RBFOX3: variants seen among roughly 807,000 people sequenced by gnomAD.
RBFOX3 encodes RNA binding fox-1 homolog 3.
A neutral mutation model predicts 48.7 loss-of-function variants in RBFOX3; 17 were observed. The ratio of observed to expected loss-of-function variants is 0.35; its 90% CI spans 0.24 to 0.52. RBFOX3 has a LOEUF of 0.52. RBFOX3 is among the 20% of genes least tolerant of loss of function. The pLI is 0.94. For synonymous variants in RBFOX3, 212 were observed against 209.5 expected, an observed-to-expected ratio of 1.01 and a Z score of -0.10; for missense variants, 382 against 497.5, an observed-to-expected ratio of 0.77 and a Z score of 2.21.
At chr17:79,196,805 T>G (rs1159012313) in intron 4 of RBFOX3, among the ~76,000 whole-genome samples, 3 of 152,232 alleles carry the variant, frequency 2.0e-5, no homozygotes, top group Non-Finnish European at 4.4e-5. Context: ...AGGAATGCAT[T>G]ATGCTTATTT....
At chr17:79,605,275 T>C (rs1023790107) in intron 1 of RBFOX3, among the ~76,000 whole-genome samples, 88 of 152,292 alleles carry the variant, frequency 5.8e-4, no homozygotes, top group Non-Finnish European at 1.2e-3. Flanking sequence ...AAAAGATACA[T>C]GTTATGATCT....
chr17:79,463,510 T>C (rs1414699784), intron 2 of RBFOX3, among the ~76,000 whole-genome samples: 1 of 35,076 alleles, frequency 2.9e-5, no homozygotes, highest in East Asian at 7.4e-4. Context: ...CCATCGCCAC[T>C]GCCACCTCCA....
intron 1 of RBFOX3, among the ~76,000 whole-genome samples, chr17:79,608,878 G>A (rs966687497): frequency 5.9e-5 from 9 of 152,114 alleles, no homozygotes; most frequent in Non-Finnish European, 1.2e-4. Context: ...CGCAGGAGGC[G>A]GAGAAGGAAG....
intron 1 of RBFOX3, among the ~76,000 whole-genome samples, chr17:79,511,571 T>C (rs2084205526): frequency 1.3e-5 from 2 of 152,136 alleles, no homozygotes; most frequent in African/African-American, 4.8e-5. Context: ...GAGGTAACCC[T>C]GCAGTGAACC....
intron 5 of RBFOX3, among the ~76,000 whole-genome samples, 171 bp downstream of exon 5, chr17:79,115,323 G>A (rs1346737635): frequency 2.6e-5 from 4 of 152,186 alleles, no homozygotes; most frequent in Non-Finnish European, 5.9e-5. Flanking sequence ...TTCACTGGGG[G>A]TGACTTCTGG....
At chr17:79,255,116 C>T (rs1414364840) in intron 3 of RBFOX3, among the ~76,000 whole-genome samples, 2 of 152,118 alleles carry the variant, frequency 1.3e-5, no homozygotes, top group Non-Finnish European at 2.9e-5. Context: ...GACCTCTCTC[C>T]AGGCTTTTCC....
chr17:79,136,903 G>A (rs2040339423), intron 4 of RBFOX3, among the ~76,000 whole-genome samples: 2 of 152,156 alleles, frequency 1.3e-5, no homozygotes, highest in Non-Finnish European at 2.9e-5. Context: ...TTAAGCCAGA[G>A]TGGACGATTC....
rs769216510 is a variant in RBFOX3, at chr17:79,477,967, G to C, written c.-175+4487C>G. ...TTCCACCCAGGAGCACCTAGGACGA[G>C]CTCCTGCAAAAGGAATGCATTCACT... On this transcript the variant is annotated intron_variant, in intron 2 of 14. Transcript: ENST00000693108. The surrounding 1 kb of genome is among the most constrained non-coding windows in gnomAD (Gnocchi z 4.8). Among the ~76,000 whole-genome samples, 61 of 152,262 alleles carry C rather than the reference G, an allele frequency of 4.0e-4. No individual in the cohort carries two copies. The highest frequency in any genetic ancestry group is 1.3e-3 in the Admixed American group (20 of 15,302).
chr17:79,192,687 G>C (rs2054759920), intron 4 of RBFOX3, among the ~76,000 whole-genome samples: 1 of 152,108 alleles, frequency 6.6e-6, no homozygotes, highest in South Asian at 2.1e-4. Context: ...TCAGCACCAG[G>C]GACAGCTCCA....
chr17:79,380,931 C>G (rs746080326), intron 2 of RBFOX3, among the ~76,000 whole-genome samples: 1 of 152,170 alleles, frequency 6.6e-6, no homozygotes, highest in Admixed American at 6.5e-5. Flanking sequence ...AAGGGAGCCA[C>G]ACATATAATT....
chr17:79,257,350 G>T (rs985111862), intron 3 of RBFOX3, among the ~76,000 whole-genome samples: 12 of 152,214 alleles, frequency 7.9e-5, no homozygotes, highest in Non-Finnish European at 1.5e-4. Context: ...AAGTCCCAAA[G>T]GGTCCAATGT....
intron 1 of RBFOX3, among the ~76,000 whole-genome samples, chr17:79,511,477 C>T (rs1022547025): frequency 1.0e-3 from 153 of 152,252 alleles, no homozygotes; most frequent in African/African-American, 3.6e-3. Context: ...GCTCTGTGAG[C>T]AAGAGCTGCA....
intron 4 of RBFOX3, among the ~76,000 whole-genome samples, chr17:79,186,316 CAG>C (rs1178555780): frequency 3.3e-5 from 5 of 152,258 alleles, no homozygotes; most frequent in Admixed American, 1.3e-4. Flanking sequence ...TTTCTTGGGA[CAG>C]GGGCTGTTAC....
intron 2 of RBFOX3, among the ~76,000 whole-genome samples, chr17:79,446,940 T>G (rs1555738743): frequency 6.6e-6 from 1 of 152,210 alleles, no homozygotes; most frequent in African/African-American, 2.4e-5. Context: ...AGCCAAGGAC[T>G]CTCCTGGGCT....
At chr17:79,463,349 TCCACCGCCATCG>T (rs1186550436) in intron 2 of RBFOX3, among the ~76,000 whole-genome samples, 1 of 46,506 alleles carries the variant, frequency 2.2e-5, no homozygotes, top group Non-Finnish European at 4.4e-5. Context: ...CATCGCCACC[TCCACCGCCATCG>T]CCACCGCCAG....
chr17:79,326,581 C>T (rs937676569), intron 2 of RBFOX3, among the ~76,000 whole-genome samples: 10 of 152,138 alleles, frequency 6.6e-5, no homozygotes, highest in African/African-American at 2.4e-4. Flanking sequence ...GGTTTCCAGC[C>T]CAGGCCTGCC....
At chr17:79,451,530 T>C (rs1261128861) in intron 2 of RBFOX3, among the ~76,000 whole-genome samples, 1 of 152,106 alleles carries the variant, frequency 6.6e-6, no homozygotes, top group Non-Finnish European at 1.5e-5. Context: ...AATCAGGGGG[T>C]GAGGCCTGCC....
chr17:79,303,558 G>C (rs1042663102), intron 3 of RBFOX3, among the ~76,000 whole-genome samples: 6 of 152,070 alleles, frequency 3.9e-5, no homozygotes, highest in Admixed American at 1.3e-4. Context: ...AGGTTTGTCT[G>C]CTTGCCTCCT....
At position 79,593,520 on chromosome 17, in the gene RBFOX3, G is replaced by A. The variant is rs1030221732; in HGVS notation, c.-320+17306C>T. Among the ~76,000 whole-genome samples, 29 of 152,300 alleles carry A rather than the reference G, an allele frequency of 1.9e-4. No individual in the cohort carries two copies. In the East Asian group the frequency reaches 4.6e-3, roughly 24 times the overall value. ...CTCTCATGGCCACGGGAGGGTGGGCGTGGAGAAAGGGGCTGCCAGAGAATG... is the reference window on the plus strand; with the variant it reads ...CTCTCATGGCCACGGGAGGGTGGGCATGGAGAAAGGGGCTGCCAGAGAATG... On this transcript the variant is annotated intron_variant, in intron 1 of 14. Transcript: ENST00000693108.
Sources: gnomAD v4.1 joint callset for allele counts (sites outside exome capture counted in the v4.1 genomes callset) on GRCh38, gnomAD v4.1.1 for gene constraint, Gnocchi (gnomAD v3.1) non-coding constraint, MANE v1.5 for transcripts, NCBI Gene and HGNC (gene_info 2026-07-23, HGNC 2026-07-21) for gene names.